GRM8: variants seen among roughly 807,000 people sequenced by gnomAD.
GRM8 encodes the protein metabotropic glutamate receptor 8.
GRM8 carries 47 observed loss-of-function variants against 87.2 expected under a neutral mutation model. The observed-to-expected ratio is 0.54, with a 90% CI of 0.43 to 0.69. The LOEUF is 0.69. Among genes scored for constraint, GRM8 ranks in the 30% least tolerant of loss-of-function variants. The pLI is 0.00. For missense variants in GRM8, 1,019 were observed against 1,139.2 expected, an observed-to-expected ratio of 0.89 and a Z score of 1.52; for synonymous variants, 396 against 404.5, an observed-to-expected ratio of 0.98 and a Z score of 0.25.
intron 6 of GRM8, among the ~76,000 whole-genome samples, chr7:126,775,490 T>G (rs1183852883): frequency 6.7e-6 from 1 of 148,922 alleles, no homozygotes; most frequent in Non-Finnish European, 1.5e-5. Context: ...TTTTTTTTTT[T>G]TTTTTTTTTT....
intron 8 of GRM8, among the ~76,000 whole-genome samples, chr7:126,553,001 T>C (rs762402338): frequency 6.6e-6 from 1 of 152,052 alleles, no homozygotes. Flanking sequence ...AATGGATGAA[T>C]CCATATAAAG....
chr7:127,156,348 A>G (rs1792730676), intron 2 of GRM8, among the ~76,000 whole-genome samples: 1 of 152,096 alleles, frequency 6.6e-6, no homozygotes. Context: ...AGATTAGCCT[A>G]CCCCTAAACG....
chr7:126,797,848 C>T (rs1209073451), intron 6 of GRM8, among the ~76,000 whole-genome samples: 3 of 152,120 alleles, frequency 2.0e-5, no homozygotes, highest in Non-Finnish European at 4.4e-5. Context: ...CTCATAGCAA[C>T]ATGAACTTTT....
chr7:127,166,803 T>C (rs1479944768), intron 2 of GRM8, among the ~76,000 whole-genome samples: 1 of 152,152 alleles, frequency 6.6e-6, no homozygotes, highest in African/African-American at 2.4e-5. Flanking sequence ...TCCTGGATTG[T>C]TCTAGTTTAA....
chr7:127,235,516 G>A (rs1437389886), intron 2 of GRM8, among the ~76,000 whole-genome samples: 2 of 152,142 alleles, frequency 1.3e-5, no homozygotes, highest in African/African-American at 4.8e-5. Flanking sequence ...TGAGGCTCTA[G>A]CATTGTTTCA....
At chr7:126,893,667 TCTGA>T (rs1481529028) in intron 6 of GRM8, among the ~76,000 whole-genome samples, 2 of 151,990 alleles carry the variant, frequency 1.3e-5, no homozygotes, top group African/African-American at 4.8e-5. Flanking sequence ...CAAACTATTG[TCTGA>T]CTATTATCTT....
At chr7:127,179,044 G>A (rs1374336167) in intron 2 of GRM8, among the ~76,000 whole-genome samples, 6 of 152,112 alleles carry the variant, frequency 3.9e-5, no homozygotes, top group Admixed American at 3.9e-4. Context: ...TGGCCTAAAT[G>A]TTCCACTTAA....
chr7:126,712,343 A>C (rs1811189899), intron 7 of GRM8, among the ~76,000 whole-genome samples: 1 of 152,196 alleles, frequency 6.6e-6, no homozygotes, highest in African/African-American at 2.4e-5. Flanking sequence ...CAAAACAATT[A>C]TAATAATAAT....
chr7:126,713,653 A>C (rs1453086877), intron 7 of GRM8, among the ~76,000 whole-genome samples: 3 of 152,098 alleles, frequency 2.0e-5, no homozygotes, highest in African/African-American at 7.2e-5. Context: ...AAATCTAAAA[A>C]TGCTGAGCTC....
At chr7:126,604,900 G>T (rs1464701005) in intron 8 of GRM8, among the ~76,000 whole-genome samples, 1 of 152,034 alleles carries the variant, frequency 6.6e-6, no homozygotes, top group South Asian at 2.1e-4. Flanking sequence ...ATTACACTCT[G>T]CCACTAATAA....
chr7:127,092,291 G>A (rs540568475), intron 3 of GRM8, among the ~76,000 whole-genome samples: 1 of 152,104 alleles, frequency 6.6e-6, no homozygotes, highest in African/African-American at 2.4e-5. Context: ...ATCTAAGTCT[G>A]GATTTGTTTT....
chr7:127,133,972 T>G (rs558906411), intron 2 of GRM8, among the ~76,000 whole-genome samples: 11 of 152,280 alleles, frequency 7.2e-5, no homozygotes, highest in African/African-American at 2.6e-4. Flanking sequence ...AGGCAAATTC[T>G]GGGTGTGTAC....
intron 9 of GRM8, among the ~76,000 whole-genome samples, chr7:126,526,880 C>T (rs958527543): frequency 1.3e-5 from 2 of 152,124 alleles, no homozygotes; most frequent in African/African-American, 4.8e-5. Context: ...TAAATGAGGC[C>T]ACATAAATGC....
chr7:126,749,331 T>C (rs934198328), intron 7 of GRM8, among the ~76,000 whole-genome samples: 1 of 151,828 alleles, frequency 6.6e-6, no homozygotes, highest in African/African-American at 2.4e-5. Flanking sequence ...CAGACTTAAA[T>C]ATAAGAGCTA....
At chr7:126,664,577 A>T (rs1805559538) in intron 7 of GRM8, among the ~76,000 whole-genome samples, 1 of 152,210 alleles carries the variant, frequency 6.6e-6, no homozygotes, top group African/African-American at 2.4e-5. Context: ...CATATGTGGA[A>T]GAATGAAACT....
rs574438445 is a variant in GRM8, at chr7:126,547,373, A to T, written c.1495-13486T>A. Among the ~76,000 whole-genome samples the T allele has an allele frequency of 4.6e-5, 7 of 152,222 alleles. No individual in the cohort carries two copies. In the East Asian group the frequency reaches 5.8e-4, roughly 13 times the overall value. On this transcript the variant is annotated intron_variant, in intron 8 of 10. Transcript: ENST00000339582. ...TTATTATAACTCCAGAGATTTTTTTAAAAATAGATGCATGAAATAGGAAAT... is the reference window on the plus strand; with the variant it reads ...TTATTATAACTCCAGAGATTTTTTTTAAAATAGATGCATGAAATAGGAAAT...
intron 3 of GRM8, among the ~76,000 whole-genome samples, chr7:126,942,932 T>C (rs185257570): frequency 2.6e-5 from 4 of 152,244 alleles, no homozygotes; most frequent in Admixed American, 2.6e-4. Context: ...ATCCTGATAC[T>C]GATACCCAAT....
At chr7:127,051,739 C>CAAAAAAAAAAAAAAAAAAA (rs59713382) in intron 3 of GRM8, among the ~76,000 whole-genome samples, 1 of 58,462 alleles carries the variant, frequency 1.7e-5, no homozygotes, top group Non-Finnish European at 3.3e-5. Context: ...TAATGTTGAG[C>CAAAAAAAAAAAAAAAAAAA]AAAAAAAAAA....
intron 8 of GRM8, among the ~76,000 whole-genome samples, chr7:126,602,111 A>G (rs1797840896): frequency 7.1e-6 from 1 of 140,952 alleles, no homozygotes; most frequent in South Asian, 2.5e-4. Flanking sequence ...ATTTTTGTAT[A>G]AGGTGTAAGG....
Sources: gnomAD v4.1 joint callset for allele counts (sites outside exome capture counted in the v4.1 genomes callset) on GRCh38, gnomAD v4.1.1 for gene constraint, MANE v1.5 for transcripts, NCBI Gene and HGNC (gene_info 2026-07-23, HGNC 2026-07-21) for gene names.